Variants in ADRA1D observed in about 807,000 individuals in gnomAD.
The protein encoded by ADRA1D is adrenoceptor alpha 1D.
ADRA1D carries 22 observed loss-of-function variants against 18.6 expected under a neutral mutation model. The ratio of observed to expected loss-of-function variants is 1.19; its 90% CI spans 0.85 to 1.69. The LOEUF (loss-of-function observed/expected upper bound fraction) is 1.69, where lower values mean the gene tolerates loss of function less well. ADRA1D is among the 40% of genes most tolerant of loss of function. The pLI is 0.00. For synonymous variants in ADRA1D, 376 were observed against 388.2 expected (o/e 0.97, Z 0.37); for missense variants, 840 against 840.7 (o/e 1.00, Z 0.01).
Position 4,249,167 on chromosome 20 carries a change from T to A in ADRA1D, c.-210A>T. The A allele has an allele frequency of 1.4e-5, 3 of 212,020 alleles. No individual in the cohort carries two copies. Among genetic ancestry groups the A allele is most frequent in the Non-Finnish European group, 2.6e-5 (3 of 114,670 alleles). 13.1% of individuals were successfully genotyped at this position (212,020 alleles called of 1,614,324 possible). On this transcript the variant is annotated 5_prime_UTR_variant, in exon 1 of 2. Coordinates refer to ENST00000379453, the MANE Select transcript of ADRA1D (RefSeq NM_000678.4). ...CGGCCGGGCTCCCCGAGGCCGGCCGTGGAGTAGCACCGAAGAGCCGGGGCC... is the reference window on the plus strand; with the variant it reads ...CGGCCGGGCTCCCCGAGGCCGGCCGAGGAGTAGCACCGAAGAGCCGGGGCC...
At chr20:4,227,927 G>A (rs923443955) in intron 1 of ADRA1D, among the ~76,000 whole-genome samples, 2 of 141,962 alleles carry the variant, frequency 1.4e-5, no homozygotes, top group Non-Finnish European at 3.2e-5. Flanking sequence ...CTTTCTAAGC[G>A]GCCTTCCTGC....
intron 1 of ADRA1D, among the ~76,000 whole-genome samples, chr20:4,225,981 C>T (rs1170845166): frequency 6.6e-6 from 1 of 152,218 alleles, no homozygotes; most frequent in Non-Finnish European, 1.5e-5. Context: ...CAGCATCGCT[C>T]AATGGCCGCG....
At chr20:4,231,724 G>T (rs1344809490) in intron 1 of ADRA1D, among the ~76,000 whole-genome samples, 1 of 152,094 alleles carries the variant, frequency 6.6e-6, no homozygotes, top group African/African-American at 2.4e-5. Flanking sequence ...AGCCCTTAGG[G>T]TCAGGACATG....
Position 4,248,015 on chromosome 20 carries a change from C to T in ADRA1D, c.943G>A (p.Ala315Thr), listed in dbSNP as rs1356894199. 5.8e-6 allele frequency: 9 copies of T among 1,554,852 alleles called. No homozygotes were observed. Among genetic ancestry groups the T allele is most frequent in the Non-Finnish European group, 7.8e-6 (9 of 1,150,364 alleles). The part of the protein sequence containing the change: ...RIHCRGAATG[A>T]DGAHGMRSAK... ...CTGCGCATGCCGTGCGCCCCGTCGG[C>T]GCCCGTGGCCGCGCCGCGACAGTGG... The change falls in exon 1 of 2, where the codon GCC becomes ACC. Residue 315 changes from alanine (A) to threonine (T), a missense_variant. Transcript: ENST00000379453.
Position 4,248,191 on chromosome 20 carries a change from A to G in ADRA1D, c.767T>C (p.Val256Ala). The change falls in exon 1 of 2, where the codon GTC becomes GCC. Residue 256 changes from valine (V) to alanine (A), a missense_variant. By Grantham distance (64) the Val-to-Ala change is moderately conservative. Transcript: ENST00000379453. ...GTAGAAGGAGCACACGGAGGAGAAG[A>G]CAGCGTAGCCCGCCTCCTCGGTGAT... is the stretch of plus-strand genomic sequence containing the variant. ...CGITEEAGYA[V>A]FSSVCSFYLP... The G allele has an allele frequency of 6.3e-7, 1 of 1,588,194 alleles. No homozygotes were observed. The highest frequency in any genetic ancestry group is 1.3e-5 in the African/African-American group (1 of 74,708).
chr20:4,221,595 C>G lies in ADRA1D; in HGVS notation c.1647G>C (p.Glu549Asp). The G allele has an allele frequency of 6.2e-7, 1 of 1,613,262 alleles. No homozygotes were observed. The highest frequency in any genetic ancestry group is 8.5e-7 in the Non-Finnish European group (1 of 1,179,570). ...CCTGGCAGGTGGCGCCCTCGGCCAC[C>G]TCGTGTGGGACGCCTAGGGACACAG... is the stretch of plus-strand genomic sequence containing the variant. ...VEAVSLGVPH[E>D]VAEGATCQAY... is the part of the protein sequence containing the mutation. Residue 549 changes from glutamate (E) to aspartate (D), a missense_variant, in exon 2 of 2, where the codon GAG (glutamate) becomes GAC (aspartate). Transcript: ENST00000379453.
rs1237498621 is a variant in ADRA1D, at chr20:4,239,270, C to G, written c.1111+8577G>C. 6.6e-6 allele frequency among the ~76,000 whole-genome samples: 1 copy of G among 152,040 alleles called. No individual in the cohort carries two copies. The highest frequency in any genetic ancestry group is 1.5e-5 in the Non-Finnish European group (1 of 68,014). On this transcript the variant is annotated intron_variant, in intron 1 of 1. Transcript: ENST00000379453. The surrounding 1 kb of genome is among the most constrained non-coding windows in gnomAD (Gnocchi z 4.9). The stretch of plus-strand genomic sequence containing the variant: ...ATGCCCAGATCTTTAATGAATGGAG[C>G]AGGGTGATCAACAGTTCCTCAGATG...
chr20:4,221,839 G>C lies in ADRA1D; in HGVS notation c.1403C>G (p.Pro468Arg), dbSNP rs746414852. 1.4e-5 allele frequency: 21 copies of C among 1,494,086 alleles called. No homozygotes were observed. The South Asian group carries it at 2.7e-4, about 19-fold the overall frequency. The allele number at this position is 1,494,086 out of a possible 1,614,324, so 92.6% of individuals were successfully genotyped here. Residue 468 changes from proline (P) to arginine (R), a missense_variant, in exon 2 of 2, where the codon CCC (proline) becomes CGC (arginine). By Grantham distance (103) the Pro-to-Arg change is moderately radical. Transcript: ENST00000379453. ...GCCTGGGGGTTCGGGGTCGGGGTCG[G>C]GGAGCGCGGTGAGGGCCAGCGGCGC... The part of the protein sequence containing the change: ...PGAPLALTAL[P>R]DPDPEPPGTP...
rs1038652234 is a variant in ADRA1D, at chr20:4,248,019, C to T, written c.939G>A (p.Thr313=). Residue 313 remains threonine (T), a synonymous_variant, in exon 1 of 2, where the codon ACG becomes ACA. Transcript: ENST00000379453. ...GCATGCCGTGCGCCCCGTCGGCGCC[C>T]GTGGCCGCGCCGCGACAGTGGATGC... ...VLRIHCRGAA[T]GADGAHGMRS... The T allele has an allele frequency of 2.6e-6, 4 of 1,554,790 alleles. No individual in the cohort carries two copies. The highest frequency in any genetic ancestry group is 2.4e-5 in the East Asian group (1 of 41,072).
At chr20:4,242,415 C>T (rs767118363) in intron 1 of ADRA1D, among the ~76,000 whole-genome samples, 39 of 152,232 alleles carry the variant, frequency 2.6e-4, no homozygotes, top group Non-Finnish European at 3.7e-4. Context: ...CCTGTGCCTA[C>T]GTGTGTGTAG....
chr20:4,235,587 T>C (rs1304851286), intron 1 of ADRA1D, among the ~76,000 whole-genome samples: 1 of 152,250 alleles, frequency 6.6e-6, no homozygotes, highest in Non-Finnish European at 1.5e-5. Flanking sequence ...GATCCAAGCA[T>C]GAGCCTCTCG....
Position 4,247,866 on chromosome 20 carries a change from G to A in ADRA1D, c.1092C>T (p.Phe364=), listed in dbSNP as rs1248512471. The A allele has an allele frequency of 6.4e-7, 1 of 1,567,276 alleles. No individual in the cohort carries two copies. Among genetic ancestry groups the A allele is most frequent in the Non-Finnish European group, 8.6e-7 (1 of 1,157,798 alleles). ...ACTCACCGAGCGGCAGGACAAAGAA[G>A]AAAGGGAACCAGCAGAGCACGAAGA... The part of the protein sequence containing the change: ...VGVFVLCWFP[F]FFVLPLGSLF... The change falls in exon 1 of 2, where the codon TTC becomes TTT. Residue 364 remains phenylalanine (F), a synonymous_variant. Coordinates refer to ENST00000379453, the MANE Select transcript of ADRA1D (RefSeq NM_000678.4).
chr20:4,236,091 ATGGCCCTTAACCC>A (rs926450140), intron 1 of ADRA1D, among the ~76,000 whole-genome samples: 1 of 152,170 alleles, frequency 6.6e-6, no homozygotes, highest in African/African-American at 2.4e-5. Context: ...GCTTCCAACT[ATGGCCCTTAACCC>A]TGGCCCCAGG....
In ADRA1D at chr20:4,244,199, G is replaced by A. The variant is rs377465970; in HGVS notation, c.1111+3648C>T. On this transcript the variant is annotated intron_variant, in intron 1 of 1. Transcript: ENST00000379453. The stretch of plus-strand genomic sequence containing the variant: ...CTTTGTGTGCGGAAGTGTGAGTGAG[G>A]GCACCCCAGGTCTGCTGTGGCCCTA... Among the ~76,000 whole-genome samples the A allele has an allele frequency of 2.6e-4, 39 of 152,326 alleles. No homozygotes were observed. The East Asian group carries it at 6.2e-3, about 24-fold the overall frequency.
rs1214834391 is a variant in ADRA1D, at chr20:4,227,765, T to C, written c.1112-5635A>G. Among the ~76,000 whole-genome samples, 341 of 142,500 alleles carry C rather than the reference T, an allele frequency of 2.4e-3. 5 individuals are homozygous for C. Among genetic ancestry groups the C allele is most frequent in the African/African-American group, 8.6e-3 (316 of 36,806 alleles). The allele number at this position is 142,500 out of a possible 152,430, so 93.5% of individuals were successfully genotyped here. On this transcript the variant is annotated intron_variant, in intron 1 of 1. Coordinates refer to ENST00000379453, the MANE Select transcript of ADRA1D (RefSeq NM_000678.4). ...TTCCTTCCTTCTTCTCTCTCTCTCT[T>C]TCTTCTCTTTCTTTCTTTTTTTTTG...
rs1042001500 is a variant in ADRA1D, at chr20:4,239,757, G to A, written c.1111+8090C>T. ...GTACTCAAACAGCCTCAGTGGTCAC[G>A]TCTGGAAAGAATGCTAGAGAACTGA... is the stretch of plus-strand genomic sequence containing the variant. On this transcript the variant is annotated intron_variant, in intron 1 of 1. Transcript: ENST00000379453. This position sits in a 1 kb window ranked among gnomAD's most constrained non-coding sequence, Gnocchi z 4.9. Among the ~76,000 whole-genome samples the A allele has an allele frequency of 7.9e-5, 12 of 152,220 alleles. 1 individual carries two copies. Among genetic ancestry groups the A allele is most frequent in the Admixed American group, 1.3e-4 (2 of 15,280 alleles).
intron 1 of ADRA1D, among the ~76,000 whole-genome samples, chr20:4,243,269 G>GGT (rs1394829130): frequency 6.6e-6 from 1 of 152,120 alleles, no homozygotes; most frequent in Non-Finnish European, 1.5e-5. Context: ...CCTCTCTCTG[G>GGT]GTCCTCTCTG....
chr20:4,247,959 G>C lies in ADRA1D; in HGVS notation c.999C>G (p.Leu333=), dbSNP rs755921919. 1.8e-5 allele frequency: 29 copies of C among 1,592,750 alleles called. No individual in the cohort carries two copies. The South Asian group carries it at 2.6e-4, about 14-fold the overall frequency. Residue 333 remains leucine (L), a synonymous_variant, in exon 1 of 2, where the codon CTC becomes CTG. Coordinates refer to ENST00000379453, the MANE Select transcript of ADRA1D (RefSeq NM_000678.4). Reference sequence around the variant, plus strand: ...GGGAGAACTTGAGCAGGCGCACGGAGAGCGAGCTGCGGAAGGTGTGGCCCT... The same window carrying C: ...GGGAGAACTTGAGCAGGCGCACGGACAGCGAGCTGCGGAAGGTGTGGCCCT... ...SAKGHTFRSS[L]SVRLLKFSRE...
At chr20:4,247,780 G>C (rs1005832735) in intron 1 of ADRA1D, 67 bp downstream of exon 1, 62 of 1,420,152 alleles carry the variant, frequency 4.4e-5, no homozygotes, top group Non-Finnish European at 5.4e-5. Flanking sequence ...CCAAGTCTGG[G>C]TGCCAGGAGG....
Sources: allele counts gnomAD v4.1 joint callset (sites outside exome capture counted in the v4.1 genomes callset), GRCh38; gene constraint gnomAD v4.1.1; non-coding constraint Gnocchi (gnomAD v3.1); transcripts MANE v1.5; gene names NCBI Gene and HGNC (gene_info 2026-07-23, HGNC 2026-07-21).